HIVEP1: variants seen among roughly 807,000 people sequenced by gnomAD.
HIVEP1 encodes the protein zinc finger protein 40.
Under a neutral mutation model 180.0 loss-of-function variants are expected in HIVEP1, and 36 were observed. The ratio of observed to expected loss-of-function variants is 0.20; its 90% CI spans 0.15 to 0.26. The LOEUF is 0.26. HIVEP1 is among the 10% of genes least tolerant of loss of function. The probability of loss-of-function intolerance (pLI) is 1.00; values close to 1 mark genes in which losing one functional copy is unlikely to be tolerated. For missense variants in HIVEP1, 3,143 were observed against 3,268.7 expected, an observed-to-expected ratio of 0.96 and a Z score of 0.94; for synonymous variants, 1,239 against 1,239.0, an observed-to-expected ratio of 1.00 and a Z score of 0.00.
chr6:12,106,108 C>T (rs1774419370), intron 3 of HIVEP1, among the ~76,000 whole-genome samples: 1 of 150,988 alleles, frequency 6.6e-6, no homozygotes, highest in Non-Finnish European at 1.5e-5. Flanking sequence ...ATGATAGGGC[C>T]TTTTTATGTA....
At chr6:12,094,864 C>A (rs1561933642) in intron 3 of HIVEP1, among the ~76,000 whole-genome samples, 3 of 151,964 alleles carry the variant, frequency 2.0e-5, no homozygotes. Flanking sequence ...TGGAACTGTA[C>A]CTTTGTAGGC....
intron 2 of HIVEP1, among the ~76,000 whole-genome samples, chr6:12,059,434 A>T (rs755860993): frequency 8.5e-5 from 13 of 152,182 alleles, no homozygotes; most frequent in Non-Finnish European, 1.6e-4. Flanking sequence ...AGCAATGAAT[A>T]ATTTGAGTAA....
chr6:12,204,046 C>T, the HIVEP1 span, among the ~76,000 whole-genome samples: 1 of 151,434 alleles, frequency 6.6e-6, no homozygotes, highest in Admixed American at 6.6e-5. Context: ...CACTGCACTC[C>T]AGCCTGGGCA....
At chr6:12,196,881 T>C in the HIVEP1 span, among the ~76,000 whole-genome samples, 1 of 152,244 alleles carries the variant, frequency 6.6e-6, no homozygotes, top group Non-Finnish European at 1.5e-5. Context: ...AAGAAAATCA[T>C]TATTACAATT....
intron 7 of HIVEP1, among the ~76,000 whole-genome samples, chr6:12,136,353 G>A (rs1188092829): frequency 3.3e-5 from 5 of 152,062 alleles, no homozygotes; most frequent in Admixed American, 1.3e-4. Context: ...CCACACAAAC[G>A]TGGCTCCCAG....
rs148388417 is a variant in HIVEP1 at position 12,142,715 on chromosome 6, C to T, written c.6487+6823C>T. Among the ~76,000 whole-genome samples the T allele has an allele frequency of 4.6e-5, 7 of 152,280 alleles. No homozygotes were observed. The East Asian group carries it at 1.4e-3, about 29-fold the overall frequency. On this transcript the variant is annotated intron_variant, in intron 7 of 8. Coordinates refer to ENST00000379388, the MANE Select transcript of HIVEP1 (RefSeq NM_002114.4). Reference sequence around the variant, plus strand: ...TGATAAAGGGGCTATCACCACTGATCCCACAGAATACAAACTATCATCAGA... The same window carrying T: ...TGATAAAGGGGCTATCACCACTGATTCCACAGAATACAAACTATCATCAGA...
intron 2 of HIVEP1, among the ~76,000 whole-genome samples, chr6:12,065,204 A>C (rs528797165): frequency 1.3e-5 from 2 of 152,342 alleles, no homozygotes; most frequent in East Asian, 3.9e-4. Context: ...GAGTTAAAGC[A>C]TGTCATGAAA....
At chr6:12,152,094 T>G (rs1759739270) in intron 7 of HIVEP1, among the ~76,000 whole-genome samples, 1 of 152,048 alleles carries the variant, frequency 6.6e-6, no homozygotes. Context: ...AGGCAGAGGT[T>G]GCAGTGAGCC....
At chr6:12,211,195 T>G in the HIVEP1 span, among the ~76,000 whole-genome samples, 1 of 130,420 alleles carries the variant, frequency 7.7e-6, no homozygotes, top group African/African-American at 3.1e-5. Context: ...GTCAGGAGAT[T>G]GAGACCATCC....
At chr6:12,066,429 G>T (rs1771589250) in intron 2 of HIVEP1, among the ~76,000 whole-genome samples, 1 of 152,168 alleles carries the variant, frequency 6.6e-6, no homozygotes, top group African/African-American at 2.4e-5. Context: ...CTTTGTTGCA[G>T]TTAGCTTCTT....
At chr6:12,078,080 G>A (rs566150253) in intron 2 of HIVEP1, among the ~76,000 whole-genome samples, 1 of 152,278 alleles carries the variant, frequency 6.6e-6, no homozygotes, top group Non-Finnish European at 1.5e-5. Flanking sequence ...AATGCATATG[G>A]CAAGTTAATG....
intron 2 of HIVEP1, among the ~76,000 whole-genome samples, chr6:12,031,805 C>T (rs569816616): frequency 1.3e-5 from 2 of 152,230 alleles, no homozygotes; most frequent in South Asian, 2.1e-4. Context: ...TTTATGGTTG[C>T]GTTTTGTGGA....
At position 12,063,076 on chromosome 6, in the gene HIVEP1, A is replaced by G. The variant is rs1771344035; in HGVS notation, c.41-26108A>G. ...GTATCATTATTCATGATTTAAAAAT[A>G]TAATATGCTAATCTAAATTATGTTT... On this transcript the variant is annotated intron_variant, in intron 2 of 8. Coordinates refer to ENST00000379388, the MANE Select transcript of HIVEP1 (RefSeq NM_002114.4). The surrounding 1 kb of genome is among the most constrained non-coding windows in gnomAD (Gnocchi z 4.2). 6.6e-6 allele frequency among the ~76,000 whole-genome samples: 1 copy of G among 152,264 alleles called. No homozygotes were observed. The highest frequency in any genetic ancestry group is 2.4e-5 in the African/African-American group (1 of 41,466).
chr6:12,121,670 A>G lies in HIVEP1; in HGVS notation c.1875A>G (p.Lys625=). ...AGACTAATGAGAATTCCCACCAGAAAGGCGACATGAATCCACTGGAAGGAA... is the reference window on the plus strand; with the variant it reads ...AGACTAATGAGAATTCCCACCAGAAGGGCGACATGAATCCACTGGAAGGAA... ...RLETNENSHQ[K]GDMNPLEGKQ... Residue 625 remains lysine (K), a synonymous_variant, in exon 4 of 9, where the codon AAA becomes AAG. Coordinates refer to ENST00000379388, the MANE Select transcript of HIVEP1 (RefSeq NM_002114.4). The surrounding 1 kb of genome is among the most constrained non-coding windows in gnomAD (Gnocchi z 5.3). The G allele has an allele frequency of 1.9e-6, 3 of 1,614,188 alleles. No individual in the cohort carries two copies. The highest frequency in any genetic ancestry group is 2.5e-6 in the Non-Finnish European group (3 of 1,180,020).
At chr6:12,054,116 G>A in intron 2 of HIVEP1, among the ~76,000 whole-genome samples, 1 of 152,084 alleles carries the variant, frequency 6.6e-6, no homozygotes, top group Middle Eastern at 3.2e-3. Flanking sequence ...CCCACTCTGT[G>A]TTTATTTACT....
chr6:12,123,480 C>G lies in HIVEP1; in HGVS notation c.3685C>G (p.Gln1229Glu), dbSNP rs758005639. ...VLGQPSRLVR[Q>E]HNIQVPEILV... ...AGGACAGCCCTCAAGACTTGTCCGG[C>G]AGCACAACATCCAAGTTCCAGAGAT... Residue 1229 changes from glutamine (Q) to glutamate (E), a missense_variant, in exon 4 of 9, where the codon CAG (glutamine) becomes GAG (glutamate). Around this residue, in one of 12 missense-constraint regions of HIVEP1, gnomAD observed 1,357 missense variants for 1,260.5 expected, o/e 1.08. Coordinates refer to ENST00000379388, the MANE Select transcript of HIVEP1 (RefSeq NM_002114.4). 6.2e-7 allele frequency: 1 copy of G among 1,614,138 alleles called. No homozygotes were observed. Among genetic ancestry groups the G allele is most frequent in the South Asian group, 1.1e-5 (1 of 91,076 alleles).
chr6:12,109,214 C>T (rs1167239750), intron 3 of HIVEP1, among the ~76,000 whole-genome samples: 14 of 152,048 alleles, frequency 9.2e-5, no homozygotes, highest in Non-Finnish European at 2.1e-4. Flanking sequence ...AGGATGGTCT[C>T]AATCTCCTGA....
chr6:12,069,663 G>T (rs900537327), intron 2 of HIVEP1, among the ~76,000 whole-genome samples: 119 of 151,364 alleles, frequency 7.9e-4, no homozygotes, highest in African/African-American at 2.8e-3. Flanking sequence ...CATGGCAAAT[G>T]TATACATATG....
At chr6:12,044,831 C>T (rs1770023560) in intron 2 of HIVEP1, among the ~76,000 whole-genome samples, 1 of 152,258 alleles carries the variant, frequency 6.6e-6, no homozygotes, top group Non-Finnish European at 1.5e-5. Context: ...CTGTGTACAG[C>T]TGAGGGCTTG....
Sources: allele counts gnomAD v4.1 joint callset (sites outside exome capture counted in the v4.1 genomes callset), GRCh38; gene constraint gnomAD v4.1.1; regional missense constraint gnomAD v4.1.1; non-coding constraint Gnocchi (gnomAD v3.1); transcripts MANE v1.5; gene names NCBI Gene and HGNC (gene_info 2026-07-23, HGNC 2026-07-21).